The following DLG5 variants were observed in gnomAD, a reference collection of about 807,000 sequenced individuals.
DLG5 encodes the protein discs large MAGUK scaffold protein 5.
DLG5 carries 48 observed loss-of-function variants against 189.8 expected under a neutral mutation model. The ratio of observed to expected loss-of-function variants is 0.25; its 90% CI spans 0.20 to 0.32. The LOEUF (loss-of-function observed/expected upper bound fraction) is 0.32. DLG5 is among the 10% of genes least tolerant of loss of function. DLG5 has a pLI of 1.00. For synonymous variants in DLG5, 1,016 were observed against 1,054.1 expected (o/e 0.96, Z 0.70); for missense variants, 2,160 against 2,544.7 (o/e 0.85, Z 3.25).
chr10:77,865,374 C>T (rs1844633642), intron 2 of DLG5, among the ~76,000 whole-genome samples: 1 of 152,148 alleles, frequency 6.6e-6, no homozygotes, highest in Non-Finnish European at 1.5e-5. Context: ...TGGCTCACCC[C>T]ACCTTCCCCT....
In DLG5 at chr10:77,855,322, C is replaced by A. The variant is rs143342894; in HGVS notation, c.537-952G>T. ...AGCCCCAGCCCCAGCCCTCCTGAGT[C>A]AGGTGTTCTGAAGGGAGGGAAAGAG... On this transcript the variant is annotated intron_variant, in intron 3 of 31. Coordinates refer to ENST00000372391, the MANE Select transcript of DLG5 (RefSeq NM_004747.4). Among the ~76,000 whole-genome samples, 61 of 152,318 alleles carry A rather than the reference C, an allele frequency of 4.0e-4. 1 individual carries two copies. The East Asian group carries it at 0.012, about 29-fold the overall frequency.
At chr10:77,923,636 T>C (rs1846600516) in intron 1 of DLG5, among the ~76,000 whole-genome samples, 1 of 152,146 alleles carries the variant, frequency 6.6e-6, no homozygotes, top group South Asian at 2.1e-4. Flanking sequence ...CATGTGCCTG[T>C]GGTCCCAGCT....
At chr10:77,801,603 G>C (rs1841207929) in intron 27 of DLG5, among the ~76,000 whole-genome samples, 1 of 152,244 alleles carries the variant, frequency 6.6e-6, no homozygotes, top group African/African-American at 2.4e-5. Context: ...AGCACCTTCT[G>C]AGCAGGATAA....
intron 2 of DLG5, chr10:77,868,323 C>T (rs1844770060): frequency 2.8e-6 from 1 of 359,074 alleles, no homozygotes; most frequent in East Asian, 7.4e-5. Context: ...GTGTGGGGCC[C>T]ACATCTGCCT....
rs1228256339 is a variant in DLG5 at position 77,821,761 on chromosome 10, A to G, written c.2723T>C (p.Val908Ala). ...CAGTGGCCGCCGGCCACGCACGTCC[A>G]CCAGCCCAAAGCCACGGTCCCCAGA... ...DASGDRGFGLVDVRGRRPLLP... is the reference protein window; with the variant it reads ...DASGDRGFGLADVRGRRPLLP... The change falls in exon 15 of 32, where the codon GTG (valine) becomes GCG (alanine). Residue 908 changes from valine to alanine, a missense_variant. By Grantham distance (64) the Val-to-Ala change is moderately conservative (BLOSUM62 0). Around this residue, in one of 5 missense-constraint regions of DLG5, gnomAD observed 754 missense variants for 746.5 expected, o/e 1.01. Coordinates refer to ENST00000372391, the MANE Select transcript of DLG5 (RefSeq NM_004747.4). 1 of 1,609,602 alleles carries G rather than the reference A, an allele frequency of 6.2e-7. No individual in the cohort carries two copies. Among genetic ancestry groups the G allele is most frequent in the African/African-American group, 1.3e-5 (1 of 75,010 alleles).
chr10:77,888,583 G>GC (rs1211424141), intron 1 of DLG5, among the ~76,000 whole-genome samples: 1 of 152,094 alleles, frequency 6.6e-6, no homozygotes, highest in Non-Finnish European at 1.5e-5. Context: ...ATTTTAAAGG[G>GC]CCACTCGCTT....
At chr10:77,799,799 G>A (rs1841109022) in intron 27 of DLG5, among the ~76,000 whole-genome samples, 1 of 152,022 alleles carries the variant, frequency 6.6e-6, no homozygotes, top group Admixed American at 6.5e-5. Context: ...TTGTAGAGAT[G>A]GGAGTCTTGC....
At chr10:77,901,186 G>T (rs189436516) in intron 1 of DLG5, among the ~76,000 whole-genome samples, 14 of 151,488 alleles carry the variant, frequency 9.2e-5, no homozygotes, top group Non-Finnish European at 1.9e-4. Flanking sequence ...TTTCCCAAGC[G>T]CCCACAGCAA....
chr10:77,870,566 C>A (rs1267608421), intron 1 of DLG5, among the ~76,000 whole-genome samples: 1 of 152,104 alleles, frequency 6.6e-6, no homozygotes, highest in Non-Finnish European at 1.5e-5. Context: ...CACCTGTAAT[C>A]CCAGCTACCT....
At chr10:77,902,874 A>T (rs1262001) in intron 1 of DLG5, among the ~76,000 whole-genome samples, 30,058 of 104,610 alleles carry the variant, frequency 0.29, 3,577 homozygotes, top group African/African-American at 0.39. Context: ...AATAAATAAA[A>T]AAATAAATAA....
chr10:77,854,036 T>C (rs1231582829), intron 4 of DLG5, among the ~76,000 whole-genome samples, 191 bp downstream of exon 4: 1 of 152,220 alleles, frequency 6.6e-6, no homozygotes, highest in Non-Finnish European at 1.5e-5. Context: ...TGTGAAGGAT[T>C]AATAGCCTTG....
intron 1 of DLG5, chr10:77,869,559 G>A (rs546789813): frequency 3.4e-6 from 1 of 294,804 alleles, no homozygotes; most frequent in Non-Finnish European, 6.4e-6. Flanking sequence ...ATATGATTCT[G>A]GCTTCCATGC....
At chr10:77,857,006 C>T in intron 2 of DLG5, 114 bp from the exon 3 acceptor site, 1 of 944,400 alleles carries the variant, frequency 1.1e-6, no homozygotes, top group Non-Finnish European at 1.6e-6. Context: ...CAAGTGGGTC[C>T]TCTTAGCATT....
At chr10:77,885,865 C>T (rs1280677938) in intron 1 of DLG5, among the ~76,000 whole-genome samples, 1 of 152,178 alleles carries the variant, frequency 6.6e-6, no homozygotes. Flanking sequence ...GGTGCCAGTG[C>T]CAGGAGTGAA....
intron 3 of DLG5, among the ~76,000 whole-genome samples, chr10:77,854,653 C>T (rs1211270275): frequency 2.0e-5 from 3 of 152,166 alleles, no homozygotes; most frequent in Non-Finnish European, 2.9e-5. Context: ...GGAGTCTGTA[C>T]AACAGGTCTG....
rs1324390579 is a variant in DLG5 at position 77,853,545 on chromosome 10, A to C, written c.681-8T>G. 1.3e-6 allele frequency: 2 copies of C among 1,574,282 alleles called. No homozygotes were observed. Among genetic ancestry groups the C allele is most frequent in the African/African-American group, 1.3e-5 (1 of 74,296 alleles). On this transcript the variant is annotated splice_region_variant and splice_polypyrimidine_tract_variant and intron_variant, in intron 4 of 31. Transcript: ENST00000372391. ...AGCCGGCTGTGGAGTGTGCTGAAAC[A>C]CCCGGTACATGCTCAGTGAGCCCCA... is the stretch of plus-strand genomic sequence containing the variant.
intron 20 of DLG5, among the ~76,000 whole-genome samples, chr10:77,813,029 C>T (rs115598195): frequency 2.8e-3 from 426 of 152,308 alleles, no homozygotes; most frequent in African/African-American, 9.0e-3. Flanking sequence ...CCACGGGCAG[C>T]CTCAGAAGAG....
chr10:77,905,083 C>T (rs1248267464), intron 1 of DLG5, among the ~76,000 whole-genome samples: 25 of 148,546 alleles, frequency 1.7e-4, no homozygotes, highest in African/African-American at 6.2e-4. Context: ...GAGCCGAGAT[C>T]GCGCCACTGC....
chr10:77,906,596 C>G (rs147800542), intron 1 of DLG5, among the ~76,000 whole-genome samples: 2 of 150,488 alleles, frequency 1.3e-5, no homozygotes, highest in East Asian at 3.9e-4. Flanking sequence ...TCAGGATGGG[C>G]AGCAACAGTG....
Sources: gnomAD v4.1 joint callset for allele counts (sites outside exome capture counted in the v4.1 genomes callset) on GRCh38, gnomAD v4.1.1 for gene constraint, gnomAD v4.1.1 regional missense constraint, MANE v1.5 for transcripts, NCBI Gene and HGNC (gene_info 2026-07-23, HGNC 2026-07-21) for gene names.